DCLK1: variants seen among roughly 807,000 people sequenced by gnomAD.
DCLK1 encodes the protein doublecortin like kinase 1.
Under a neutral mutation model 86.2 loss-of-function variants are expected in DCLK1, and 16 were observed. The ratio of observed to expected loss-of-function variants is 0.19; its 90% CI spans 0.13 to 0.28. The LOEUF (loss-of-function observed/expected upper bound fraction) is 0.28. Among genes scored for constraint, DCLK1 ranks in the 10% least tolerant of loss-of-function variants. DCLK1 has a pLI of 1.00. For missense variants in DCLK1, 590 were observed against 940.2 expected, an observed-to-expected ratio of 0.63 and a Z score of 4.87; for synonymous variants, 369 against 370.5, an observed-to-expected ratio of 1.00 and a Z score of 0.05.
chr13:35,925,205 G>C (rs1271584518), intron 4 of DCLK1, among the ~76,000 whole-genome samples: 1 of 152,218 alleles, frequency 6.6e-6, no homozygotes, highest in Non-Finnish European at 1.5e-5. Context: ...CTATTGGGCA[G>C]AGGAGCGGCC....
At chr13:36,034,257 G>A (rs558780038) in intron 3 of DCLK1, among the ~76,000 whole-genome samples, 4 of 152,230 alleles carry the variant, frequency 2.6e-5, no homozygotes, top group East Asian at 3.9e-4. Context: ...TAGAAACTTC[G>A]TGGTTGTTTT....
intron 15 of DCLK1, among the ~76,000 whole-genome samples, chr13:35,797,257 C>T (rs1265959214): frequency 2.6e-5 from 4 of 152,214 alleles, no homozygotes; most frequent in African/African-American, 9.6e-5. Flanking sequence ...AGATTCAGCT[C>T]TTGCTGAATA....
intron 4 of DCLK1, among the ~76,000 whole-genome samples, chr13:35,906,635 A>G (rs889143613): frequency 1.3e-5 from 2 of 152,274 alleles, no homozygotes; most frequent in South Asian, 4.1e-4. Context: ...TTGGGGGAAG[A>G]AGTTACAGAT....
At chr13:36,019,853 A>G (rs759481135) in intron 3 of DCLK1, among the ~76,000 whole-genome samples, 4 of 152,126 alleles carry the variant, frequency 2.6e-5, no homozygotes, top group Non-Finnish European at 5.9e-5. Flanking sequence ...ACTCAATGCT[A>G]TGGTTTATAT....
At chr13:35,826,540 A>AGGAGGGAAGGAAGGAAGGAAGG (rs1382422000) in intron 10 of DCLK1, among the ~76,000 whole-genome samples, 4 of 92,752 alleles carry the variant, frequency 4.3e-5, no homozygotes, top group African/African-American at 1.3e-4. Flanking sequence ...AAAAAAAAAA[A>AGGAGGGAAGGAAGGAAGGAAGG]AAGAAAGAAA....
At chr13:35,893,080 G>T (rs187207884) in intron 4 of DCLK1, among the ~76,000 whole-genome samples, 1 of 152,158 alleles carries the variant, frequency 6.6e-6, no homozygotes, top group Non-Finnish European at 1.5e-5. Context: ...ACACATAGGC[G>T]GAGCCCTGTA....
chr13:36,004,954 T>C (rs1880885990), intron 3 of DCLK1, among the ~76,000 whole-genome samples: 2 of 152,194 alleles, frequency 1.3e-5, no homozygotes, highest in South Asian at 4.1e-4. Flanking sequence ...TTACTTTAAA[T>C]GTACACAACA....
chr13:35,898,824 C>A (rs948549510), intron 4 of DCLK1, among the ~76,000 whole-genome samples: 2 of 152,138 alleles, frequency 1.3e-5, no homozygotes, highest in Admixed American at 1.3e-4. Flanking sequence ...TCACAGCAAC[C>A]TTTGCCTCCT....
At chr13:35,923,502 T>C (rs1245301466) in intron 4 of DCLK1, among the ~76,000 whole-genome samples, 13 of 151,808 alleles carry the variant, frequency 8.6e-5, no homozygotes, top group Non-Finnish European at 8.8e-5. Flanking sequence ...ACCAATTCTG[T>C]GGGTGTCAGG....
intron 8 of DCLK1, among the ~76,000 whole-genome samples, chr13:35,829,688 A>G (rs554598792): frequency 1.1e-4 from 17 of 152,336 alleles, no homozygotes; most frequent in African/African-American, 4.1e-4. Flanking sequence ...AACAGTGAAC[A>G]CTGAATTATG....
intron 3 of DCLK1, among the ~76,000 whole-genome samples, chr13:35,959,581 G>A (rs1167337039): frequency 6.6e-6 from 1 of 152,120 alleles, no homozygotes; most frequent in East Asian, 1.9e-4. Flanking sequence ...TGATAAAATC[G>A]TGTTTTATAA....
intron 3 of DCLK1, among the ~76,000 whole-genome samples, chr13:36,012,269 T>G (rs1256884307): frequency 2.0e-5 from 3 of 147,550 alleles, no homozygotes; most frequent in African/African-American, 7.5e-5. Flanking sequence ...ATCCTGTCAT[T>G]ATGATGTTAG....
chr13:35,829,528 T>TA (rs1370384411), intron 8 of DCLK1, among the ~76,000 whole-genome samples: 6 of 152,182 alleles, frequency 3.9e-5, no homozygotes, highest in Admixed American at 6.5e-5. Flanking sequence ...GTTATATGGT[T>TA]ACAGCAAGAA....
intron 4 of DCLK1, among the ~76,000 whole-genome samples, chr13:35,910,897 G>A (rs945040349): frequency 6.6e-6 from 1 of 152,128 alleles, no homozygotes; most frequent in East Asian, 1.9e-4. Flanking sequence ...ATAATTGGCC[G>A]ATTGAGGGAT....
intron 4 of DCLK1, among the ~76,000 whole-genome samples, chr13:35,899,726 T>C (rs1337395131): frequency 6.6e-6 from 1 of 152,186 alleles, no homozygotes; most frequent in Non-Finnish European, 1.5e-5. Flanking sequence ...CATTGGCCCA[T>C]AACTTACAAC....
At chr13:35,775,932 G>C (rs1410745730) in intron 16 of DCLK1, among the ~76,000 whole-genome samples, 1 of 152,210 alleles carries the variant, frequency 6.6e-6, no homozygotes, top group Admixed American at 6.5e-5. Flanking sequence ...GAGATAAAGA[G>C]AGGCAGTGTG....
Position 35,836,161 on chromosome 13 carries a change from T to C in DCLK1, c.1121-20A>G. On this transcript the variant is annotated intron_variant, in intron 7 of 16. Transcript: ENST00000360631. The stretch of plus-strand genomic sequence containing the variant: ...ACACTTCTGAAAGAATCATTAATAC[T>C]TTTTTATTGGTTGAAAAGGGAACAC... 6.3e-7 allele frequency: 1 copy of C among 1,582,278 alleles called. No homozygotes were observed. Among genetic ancestry groups the C allele is most frequent in the Non-Finnish European group, 8.6e-7 (1 of 1,158,026 alleles).
intron 3 of DCLK1, among the ~76,000 whole-genome samples, chr13:35,982,507 A>C (rs1239915818): frequency 1.3e-5 from 2 of 151,504 alleles, no homozygotes; most frequent in Non-Finnish European, 2.9e-5. Context: ...GTGAATTTCA[A>C]CTTAGTGAAG....
chr13:36,122,357 C>T (rs6563354), intron 2 of DCLK1, among the ~76,000 whole-genome samples: 47,170 of 152,050 alleles, frequency 0.31, 7,804 homozygotes, highest in African/African-American at 0.42. Context: ...TCTCTAATAG[C>T]GCAGATCTGA....
Sources: gnomAD v4.1 joint callset for allele counts (sites outside exome capture counted in the v4.1 genomes callset) on GRCh38, gnomAD v4.1.1 for gene constraint, MANE v1.5 for transcripts, NCBI Gene and HGNC (gene_info 2026-07-23, HGNC 2026-07-21) for gene names.